Variants in WWC2 observed in about 807,000 individuals in gnomAD.
WWC2 encodes the protein WW and C2 domain containing 2, also known as protein WWC2.
Under a neutral mutation model 138.5 loss-of-function variants are expected in WWC2, and 101 were observed. That is an observed-to-expected ratio of 0.73 (90% confidence interval 0.62 to 0.86). WWC2 has a LOEUF of 0.86. Among genes scored for constraint, WWC2 ranks in the 40% least tolerant of loss-of-function variants. The pLI is 0.00. For synonymous variants in WWC2, 558 were observed against 538.4 expected (o/e 1.04, Z -0.50); for missense variants, 1,420 against 1,419.4 (o/e 1.00, Z -0.01).
At chr4:183,267,441 A>G (rs928007172) in intron 14 of WWC2, among the ~76,000 whole-genome samples, 5 of 152,238 alleles carry the variant, frequency 3.3e-5, no homozygotes, top group Admixed American at 6.5e-5. Flanking sequence ...ATGTTGGAGC[A>G]TGCCATTGGT....
At chr4:183,122,049 T>G (rs908030885) in intron 1 of WWC2, among the ~76,000 whole-genome samples, 2 of 152,000 alleles carry the variant, frequency 1.3e-5, no homozygotes, top group African/African-American at 4.8e-5. Context: ...CCTCCCAAAG[T>G]GCAGGGATTA....
chr4:183,259,607 A>G (rs1204727175), intron 9 of WWC2, 32 bp from the exon 10 acceptor site: 5 of 1,400,794 alleles, frequency 3.6e-6, no homozygotes, highest in Non-Finnish European at 4.9e-6. Flanking sequence ...ATTTTGTTAT[A>G]ATCATTTGAA....
At chr4:183,306,156 G>T (rs973493251) in intron 21 of WWC2, among the ~76,000 whole-genome samples, 1 of 152,070 alleles carries the variant, frequency 6.6e-6, no homozygotes, top group African/African-American at 2.4e-5. Context: ...AGAGAAAATT[G>T]ACATTATATA....
intron 14 of WWC2, among the ~76,000 whole-genome samples, chr4:183,268,394 C>T (rs1580129443): frequency 6.6e-6 from 1 of 152,148 alleles, no homozygotes; most frequent in South Asian, 2.1e-4. Context: ...AACAGTTTGT[C>T]GTATCTCAGA....
chr4:183,207,609 G>A (rs566536376), intron 2 of WWC2, among the ~76,000 whole-genome samples: 2 of 152,276 alleles, frequency 1.3e-5, no homozygotes, highest in Admixed American at 1.3e-4. Context: ...GGTGAATGAA[G>A]GTGGGTTGGG....
chr4:183,259,082 C>G (rs1424922807), intron 9 of WWC2, among the ~76,000 whole-genome samples: 1 of 152,140 alleles, frequency 6.6e-6, no homozygotes, highest in Non-Finnish European at 1.5e-5. Context: ...TCATCCTCTT[C>G]CCTAAACAGT....
chr4:183,247,765 A>ACT, intron 6 of WWC2, among the ~76,000 whole-genome samples: 2 of 136,290 alleles, frequency 1.5e-5, no homozygotes, highest in African/African-American at 5.4e-5. Context: ...ATATATATAT[A>ACT]ATATATATAC....
At chr4:183,099,692 C>T in intron 1 of WWC2, 70 bp downstream of exon 1, 1 of 1,170,906 alleles carries the variant, frequency 8.5e-7, no homozygotes, top group South Asian at 4.1e-5. Context: ...CCCGGCCGCG[C>T]GGGGGGCTGG....
chr4:183,177,143 C>T (rs1301563162), intron 1 of WWC2, among the ~76,000 whole-genome samples: 1 of 152,176 alleles, frequency 6.6e-6, no homozygotes, highest in Non-Finnish European at 1.5e-5. Flanking sequence ...TTAAAGAAAT[C>T]AACTGTATGC....
In WWC2 at chr4:183,261,529, G is replaced by A; in HGVS notation, c.1906G>A (p.Ala636Thr). The change falls in exon 11 of 23, where the codon GCA (alanine) becomes ACA (threonine). Residue 636 changes from alanine (A) to threonine (T), a missense_variant. Ala to Thr is a moderately conservative substitution (Grantham distance 58). Transcript: ENST00000403733. ...TAGGGAGCCATTATATGAAGGAACT[G>A]CAGGTAAATGCAGCCCTTTGCTTTC... ...CAREPLYEGT[A>T]DVEKSLPKRR... The A allele has an allele frequency of 6.2e-7, 1 of 1,609,008 alleles. No individual in the cohort carries two copies. The highest frequency in any genetic ancestry group is 8.5e-7 in the Non-Finnish European group (1 of 1,177,556).
In WWC2 at chr4:183,265,884, A is replaced by G; in HGVS notation, c.2140A>G (p.Ser714Gly). The G allele has an allele frequency of 1.9e-6, 3 of 1,613,144 alleles. No individual in the cohort carries two copies. Among genetic ancestry groups the G allele is most frequent in the Non-Finnish European group, 2.5e-6 (3 of 1,179,580 alleles). The change falls in exon 14 of 23, where the codon AGT (serine) becomes GGT (glycine). Residue 714 changes from serine (S) to glycine (G), a missense_variant. Transcript: ENST00000403733. Reference sequence around the variant, plus strand: ...TGACAGATACAATGCAAAAAGTTCAAGTTTCATGGTGATTATAGCACAGCT... The same window carrying G: ...TGACAGATACAATGCAAAAAGTTCAGGTTTCATGGTGATTATAGCACAGCT... ...IGLRYNAKSSSFMVIIAQLRN... is the reference protein window; with the variant it reads ...IGLRYNAKSSGFMVIIAQLRN...
intron 1 of WWC2, among the ~76,000 whole-genome samples, chr4:183,112,771 G>A (rs1732275951): frequency 6.6e-6 from 1 of 151,600 alleles, no homozygotes; most frequent in Non-Finnish European, 1.5e-5. Context: ...AGCTGCTTTG[G>A]GTTAGGTGAT....
chr4:183,155,223 A>AGAGT (rs775865778), intron 1 of WWC2, among the ~76,000 whole-genome samples: 7 of 147,638 alleles, frequency 4.7e-5, no homozygotes, highest in African/African-American at 1.7e-4. Context: ...AGAGAGAGAG[A>AGAGT]GTTAGTTGAC....
At chr4:183,268,858 C>T in intron 14 of WWC2, 113 bp from the exon 15 acceptor site, 1 of 1,165,550 alleles carries the variant, frequency 8.6e-7, no homozygotes, top group Non-Finnish European at 1.2e-6. Flanking sequence ...TTAGATTGAT[C>T]TTGAACTCCA....
chr4:183,126,956 C>A (rs1407054703), intron 1 of WWC2, among the ~76,000 whole-genome samples: 1 of 149,188 alleles, frequency 6.7e-6, no homozygotes, highest in Non-Finnish European at 1.5e-5. Flanking sequence ...AGACTGGTCT[C>A]AAACTCCTGG....
intron 1 of WWC2, among the ~76,000 whole-genome samples, chr4:183,133,660 C>T (rs1339154371): frequency 1.3e-5 from 2 of 152,096 alleles, no homozygotes; most frequent in Admixed American, 1.3e-4. Flanking sequence ...CCACGCCCAG[C>T]TAATTTTTGT....
intron 17 of WWC2, 189 bp from the exon 18 acceptor site, chr4:183,282,519 G>A (rs1022373992): frequency 1.3e-5 from 8 of 595,012 alleles, no homozygotes; most frequent in Non-Finnish European, 2.3e-5. Flanking sequence ...TGATTTTGCT[G>A]CAGGTTACTA....
At chr4:183,271,286 T>C (rs1378148590) in intron 16 of WWC2, 45 bp downstream of exon 16, 2 of 1,481,646 alleles carry the variant, frequency 1.3e-6, no homozygotes, top group East Asian at 2.4e-5. Context: ...GTGAAATACA[T>C]ATATGAAATA....
chr4:183,167,641 A>G (rs1734162424), intron 1 of WWC2, among the ~76,000 whole-genome samples: 1 of 152,174 alleles, frequency 6.6e-6, no homozygotes, highest in Non-Finnish European at 1.5e-5. Context: ...GAGATAGAGA[A>G]CAGTCTAGGT....
Sources: allele counts gnomAD v4.1 joint callset (sites outside exome capture counted in the v4.1 genomes callset), GRCh38; gene constraint gnomAD v4.1.1; transcripts MANE v1.5; gene names NCBI Gene and HGNC (gene_info 2026-07-23, HGNC 2026-07-21).